FOXJ3: variants seen among roughly 807,000 people sequenced by gnomAD.
The protein encoded by FOXJ3 is forkhead box J3, also known as forkhead box protein J3.
In FOXJ3, 22 loss-of-function variants were observed where a neutral mutation model predicts 76.1. The observed-to-expected ratio is 0.29, with a 90% confidence interval of 0.21 to 0.41. The LOEUF is 0.41. Ranked by LOEUF, FOXJ3 falls within the 10% of genes least tolerant of loss-of-function variation. The probability of loss-of-function intolerance (pLI) is 1.00; values close to 1 mark genes in which losing one functional copy is unlikely to be tolerated. For missense variants in FOXJ3, 613 were observed against 762.1 expected (o/e 0.80, Z 2.30); for synonymous variants, 269 against 261.2 (o/e 1.03, Z -0.29).
chr1:42,277,021 T>C (rs1652313483), intron 3 of FOXJ3, among the ~76,000 whole-genome samples: 1 of 152,180 alleles, frequency 6.6e-6, no homozygotes, highest in Non-Finnish European at 1.5e-5. Context: ...AATTTCTTAG[T>C]TTTGATAATT....
intron 4 of FOXJ3, among the ~76,000 whole-genome samples, chr1:42,256,408 C>T (rs1650589799): frequency 6.6e-6 from 1 of 152,058 alleles, no homozygotes; most frequent in South Asian, 2.1e-4. Context: ...TTTTCTAAGT[C>T]AAAAGAATTT....
intron 4 of FOXJ3, among the ~76,000 whole-genome samples, chr1:42,239,585 T>C (rs552420881): frequency 1.3e-5 from 2 of 152,308 alleles, no homozygotes; most frequent in East Asian, 3.9e-4. Flanking sequence ...ACTCATCAAT[T>C]GTCACACATA....
At chr1:42,195,260 T>C (rs1371586131) in intron 7 of FOXJ3, among the ~76,000 whole-genome samples, 196 bp from the exon 8 acceptor site, 2 of 152,224 alleles carry the variant, frequency 1.3e-5, no homozygotes, top group African/African-American at 2.4e-5. Flanking sequence ...TGAAGAACTG[T>C]AGAAGTCTAA....
At chr1:42,264,744 C>A (rs1347542171) in intron 4 of FOXJ3, among the ~76,000 whole-genome samples, 2 of 152,102 alleles carry the variant, frequency 1.3e-5, no homozygotes, top group Admixed American at 1.3e-4. Flanking sequence ...GGGCTAATAA[C>A]AGAGAAACTG....
At chr1:42,180,231 T>C (rs1031282049) in intron 12 of FOXJ3, among the ~76,000 whole-genome samples, 1 of 152,216 alleles carries the variant, frequency 6.6e-6, no homozygotes, top group African/African-American at 2.4e-5. Flanking sequence ...ATGATGGCAG[T>C]GCACCAATGA....
intron 2 of FOXJ3, among the ~76,000 whole-genome samples, chr1:42,299,500 G>A (rs1207692871): frequency 6.8e-6 from 1 of 147,456 alleles, no homozygotes; most frequent in East Asian, 2.0e-4. Flanking sequence ...TTTAACCAGT[G>A]TGTGTGGGGG....
intron 9 of FOXJ3, among the ~76,000 whole-genome samples, chr1:42,190,831 C>T (rs1275458067): frequency 6.6e-6 from 1 of 152,170 alleles, no homozygotes; most frequent in African/African-American, 2.4e-5. Flanking sequence ...ACTGGGTGAG[C>T]AAACCCTACC....
At chr1:42,328,066 G>C (rs552880756) in intron 1 of FOXJ3, among the ~76,000 whole-genome samples, 1 of 152,318 alleles carries the variant, frequency 6.6e-6, no homozygotes, top group Non-Finnish European at 1.5e-5. Flanking sequence ...GGGGACCAAG[G>C]AGGGAGGAAG....
intron 3 of FOXJ3, among the ~76,000 whole-genome samples, chr1:42,276,305 G>A (rs1402348051): frequency 2.6e-5 from 4 of 151,868 alleles, no homozygotes; most frequent in Admixed American, 6.5e-5. Context: ...ACAGTGAGCC[G>A]ACATGGTGCC....
chr1:42,280,773 C>T (rs1652650827), intron 2 of FOXJ3, among the ~76,000 whole-genome samples: 1 of 152,164 alleles, frequency 6.6e-6, no homozygotes, highest in African/African-American at 2.4e-5. Flanking sequence ...GTTCCCACCT[C>T]ACTGATGTAA....
chr1:42,314,534 G>A (rs764219263), intron 1 of FOXJ3, among the ~76,000 whole-genome samples: 7 of 152,194 alleles, frequency 4.6e-5, no homozygotes, highest in Non-Finnish European at 8.8e-5. Context: ...TTACAGGCGT[G>A]AGGCACCACG....
At chr1:42,305,477 T>C (rs1379461909) in intron 2 of FOXJ3, among the ~76,000 whole-genome samples, 2 of 152,218 alleles carry the variant, frequency 1.3e-5, no homozygotes, top group Non-Finnish European at 2.9e-5. Flanking sequence ...CTGTTCACAA[T>C]AGCCAAGATT....
At chr1:42,325,581 A>G (rs750341659) in intron 1 of FOXJ3, among the ~76,000 whole-genome samples, 1 of 152,232 alleles carries the variant, frequency 6.6e-6, no homozygotes, top group Non-Finnish European at 1.5e-5. Flanking sequence ...TGATGAGTCC[A>G]ATGTACCTGG....
intron 10 of FOXJ3, 43 bp from the exon 11 acceptor site, chr1:42,188,971 T>C: frequency 7.9e-7 from 1 of 1,271,978 alleles, no homozygotes; most frequent in Non-Finnish European, 1.1e-6. Flanking sequence ...TGTTATGCAA[T>C]AAACATTGCA....
At chr1:42,288,782 A>AGC (rs1653228687) in intron 2 of FOXJ3, among the ~76,000 whole-genome samples, 1 of 151,642 alleles carries the variant, frequency 6.6e-6, no homozygotes, top group African/African-American at 2.4e-5. Flanking sequence ...TTTAATGCAG[A>AGC]GAGAGATGAG....
intron 4 of FOXJ3, among the ~76,000 whole-genome samples, chr1:42,235,807 C>T (rs1284935504): frequency 6.6e-6 from 1 of 152,144 alleles, no homozygotes; most frequent in African/African-American, 2.4e-5. Flanking sequence ...AGGTGATCTG[C>T]CTCCCAAGTG....
intron 5 of FOXJ3, among the ~76,000 whole-genome samples, chr1:42,214,497 C>T (rs539685390): frequency 6.6e-6 from 1 of 152,234 alleles, no homozygotes; most frequent in African/African-American, 2.4e-5. Flanking sequence ...TAATCATACC[C>T]ATTTGAGTTC....
intron 2 of FOXJ3, among the ~76,000 whole-genome samples, chr1:42,292,875 C>T (rs1037694274): frequency 9.9e-5 from 15 of 152,084 alleles, no homozygotes; most frequent in Admixed American, 2.0e-4. Context: ...CTAAGGTGGG[C>T]AGATTGCTTG....
chr1:42,194,476 C>T (rs1646612620), intron 8 of FOXJ3, among the ~76,000 whole-genome samples: 2 of 152,228 alleles, frequency 1.3e-5, no homozygotes, highest in African/African-American at 2.4e-5. Context: ...TTTGGCGCTA[C>T]CACATTCCGA....
Sources: gnomAD v4.1 joint callset for allele counts (sites outside exome capture counted in the v4.1 genomes callset) on GRCh38, gnomAD v4.1.1 for gene constraint, MANE v1.5 for transcripts, NCBI Gene and HGNC (gene_info 2026-07-23, HGNC 2026-07-21) for gene names.